Variants in SLC9A1 observed in about 807,000 individuals in gnomAD.
SLC9A1 encodes solute carrier family 9 member A1, also known as sodium/hydrogen exchanger 1.
In SLC9A1, 22 loss-of-function variants were observed where a neutral mutation model predicts 67.9. That is an observed-to-expected ratio of 0.32 (90% confidence interval 0.23 to 0.46). SLC9A1 has a LOEUF of 0.46. SLC9A1 is among the 20% of genes least tolerant of loss of function. The pLI is 1.00. For missense variants in SLC9A1, 686 were observed against 1,094.8 expected, an observed-to-expected ratio of 0.63 and a Z score of 5.27; for synonymous variants, 421 against 471.8, an observed-to-expected ratio of 0.89 and a Z score of 1.40.
rs2083186031 is a variant in SLC9A1 at position 27,106,511 on chromosome 1, C to G, written c.1283-424G>C. Among the ~76,000 whole-genome samples, 1 of 152,052 alleles carries G rather than the reference C, an allele frequency of 6.6e-6. No individual in the cohort carries two copies. Among genetic ancestry groups the G allele is most frequent in the Non-Finnish European group, 1.5e-5 (1 of 68,016 alleles). ...GCAGAGGGCTGGGCCCAACCTCCAC[C>G]CACAGAACCAGAATCCCTGGAGGAT... On this transcript the variant is annotated intron_variant, in intron 4 of 11. Transcript: ENST00000263980. The surrounding 1 kb of genome is among the most constrained non-coding windows in gnomAD (Gnocchi z 4.3).
intron 1 of SLC9A1, among the ~76,000 whole-genome samples, chr1:27,115,327 A>G (rs929399660): frequency 6.6e-6 from 1 of 152,082 alleles, no homozygotes; most frequent in Non-Finnish European, 1.5e-5. Context: ...AGTAGCAAAA[A>G]TCCCCGTTGA....
intron 1 of SLC9A1, among the ~76,000 whole-genome samples, chr1:27,150,030 G>A (rs993483469): frequency 6.6e-6 from 1 of 152,208 alleles, no homozygotes; most frequent in Non-Finnish European, 1.5e-5. Context: ...TTTTCCCAAA[G>A]AGAAAAAGGT....
At chr1:27,148,752 G>A (rs931551186) in intron 1 of SLC9A1, among the ~76,000 whole-genome samples, 2 of 152,152 alleles carry the variant, frequency 1.3e-5, no homozygotes, top group African/African-American at 4.8e-5. Context: ...CTGCCTTGTA[G>A]AGCTAAACAA....
At chr1:27,140,712 T>A (rs865936845) in intron 1 of SLC9A1, among the ~76,000 whole-genome samples, 2 of 152,288 alleles carry the variant, frequency 1.3e-5, no homozygotes, top group Middle Eastern at 3.4e-3. Context: ...CAAAATTGAG[T>A]GCTTTTATAG....
At position 27,102,059 on chromosome 1, in the gene SLC9A1, ATCTCC is replaced by A; in HGVS notation, c.1887_1891del (p.Glu629AspfsTer79). 1 of 1,613,954 alleles carries A rather than the reference ATCTCC, an allele frequency of 6.2e-7. No individual in the cohort carries two copies. The highest frequency in any genetic ancestry group is 1.1e-5 in the South Asian group (1 of 91,084). ...CAAGTTGTTCCTCAGGATTTTGCGG[ATCTCC>A]TCCTCCTTGTCCTTGGACAGTGCTG... is the stretch of plus-strand genomic sequence containing the variant. On this transcript the variant is annotated frameshift_variant, in exon 9 of 12. Transcript: ENST00000263980. LOFTEE classifies it high-confidence loss of function.
intron 1 of SLC9A1, among the ~76,000 whole-genome samples, chr1:27,133,406 C>A (rs1437059214): frequency 1.3e-5 from 2 of 152,152 alleles, no homozygotes; most frequent in Admixed American, 6.5e-5. Flanking sequence ...AGGTTGTAAT[C>A]TCATAAGTAT....
At chr1:27,153,438 G>A (rs2083544086) in intron 1 of SLC9A1, among the ~76,000 whole-genome samples, 1 of 152,174 alleles carries the variant, frequency 6.6e-6, no homozygotes, top group African/African-American at 2.4e-5. Flanking sequence ...AAGGAAAGGT[G>A]GGAATATGGG....
At chr1:27,130,251 C>T (rs1176557895) in intron 1 of SLC9A1, among the ~76,000 whole-genome samples, 1 of 152,218 alleles carries the variant, frequency 6.6e-6, no homozygotes, top group African/African-American at 2.4e-5. Flanking sequence ...CAGGCGCCCG[C>T]CACCACACTC....
intron 1 of SLC9A1, among the ~76,000 whole-genome samples, chr1:27,134,618 T>C (rs1377585500): frequency 6.6e-6 from 1 of 152,174 alleles, no homozygotes; most frequent in Non-Finnish European, 1.5e-5. Flanking sequence ...CGCAAGTGAC[T>C]GGTTTCAGGG....
In SLC9A1 at chr1:27,118,370, A is replaced by G. The variant is rs1035808261; in HGVS notation, c.353-4084T>C. ...GGGGGAGGAAGGGATTCTGTCATCAAGAGGAGGCTCCTTCAGGAGCAACGG... is the reference window on the plus strand; with the variant it reads ...GGGGGAGGAAGGGATTCTGTCATCAGGAGGAGGCTCCTTCAGGAGCAACGG... On this transcript the variant is annotated intron_variant, in intron 1 of 11. Coordinates refer to ENST00000263980, the MANE Select transcript of SLC9A1 (RefSeq NM_003047.5). This position sits in a 1 kb window ranked among gnomAD's most constrained non-coding sequence, Gnocchi z 4.3. 1.7e-4 allele frequency among the ~76,000 whole-genome samples: 26 copies of G among 152,136 alleles called. No individual in the cohort carries two copies. Among genetic ancestry groups the G allele is most frequent in the Admixed American group, 1.7e-3 (26 of 15,272 alleles).
In SLC9A1 at chr1:27,109,911, C is replaced by A. The variant is rs555739828; in HGVS notation, c.814-134G>T. 5.7e-6 allele frequency: 6 copies of A among 1,047,666 alleles called. No homozygotes were observed. The highest frequency in any genetic ancestry group is 8.3e-6 in the Non-Finnish European group (6 of 719,566). 64.9% of individuals were successfully genotyped at this position (1,047,666 alleles called of 1,614,324 possible). A position where few individuals can be genotyped will look rare whatever the true frequency, so the allele number is the denominator to read the frequency against. On this transcript the variant is annotated intron_variant, in intron 2 of 11. Transcript: ENST00000263980. This position sits in a 1 kb window ranked among gnomAD's most constrained non-coding sequence, Gnocchi z 5.5. The stretch of plus-strand genomic sequence containing the variant: ...AAGAGGCCACACGGTAGCAGAGAAA[C>A]CCTAGTGCCAAGCAGGTGCTCAAAA...
intron 1 of SLC9A1, among the ~76,000 whole-genome samples, chr1:27,122,451 T>C (rs2124169967): frequency 6.6e-6 from 1 of 152,232 alleles, no homozygotes. Context: ...TCCTGAAGCC[T>C]GCAGCCAGCC....
Position 27,113,945 on chromosome 1 carries a change from T to C in SLC9A1, c.694A>G (p.Ser232Gly), listed in dbSNP as rs763039501. Residue 232 changes from serine to glycine, a missense_variant, in exon 2 of 12, where the codon AGC (serine) becomes GGC (glycine). Physicochemically the swap from Ser to Gly is moderately conservative, Grantham distance 56 (BLOSUM62 0). This residue lies in a region of SLC9A1 where 49 missense variants were observed against 73.1 expected (regional missense o/e 0.67). Coordinates refer to ENST00000263980, the MANE Select transcript of SLC9A1 (RefSeq NM_003047.5). ...IGLLDNLLFG[S>G]IISAVDPVAV... The stretch of plus-strand genomic sequence containing the variant: ...ACGGGGTCCACGGCCGAGATGATGC[T>C]GCCGAAGAGCAGGTTGTCCAGGAGG... The C allele has an allele frequency of 6.2e-7, 1 of 1,614,220 alleles. No homozygotes were observed. The highest frequency in any genetic ancestry group is 2.2e-5 in the East Asian group (1 of 44,876).
At chr1:27,113,418 A>G (rs542419160) in intron 2 of SLC9A1, among the ~76,000 whole-genome samples, 131 of 152,292 alleles carry the variant, frequency 8.6e-4, no homozygotes, top group African/African-American at 3.0e-3. Flanking sequence ...TGACCGTACC[A>G]GTTCACCAGC....
At chr1:27,138,197 C>T (rs1213026349) in intron 1 of SLC9A1, among the ~76,000 whole-genome samples, 1 of 152,240 alleles carries the variant, frequency 6.6e-6, no homozygotes, top group East Asian at 1.9e-4. Flanking sequence ...GCCCTCTTCT[C>T]CATTCTCACA....
rs777836201 is a variant in SLC9A1 at position 27,109,556 on chromosome 1, G to A, written c.1035C>T (p.Ala345=). ...TGATGCCTGACAGGTGGAAGAGCTCGGCTGACAAGTAGGCCATGTAGCTGT... is the reference window on the plus strand; with the variant it reads ...TGATGCCTGACAGGTGGAAGAGCTCAGCTGACAAGTAGGCCATGTAGCTGT... The part of the protein sequence containing the change: ...FLYSYMAYLS[A]ELFHLSGIMA... The change falls in exon 3 of 12, where the codon GCC becomes GCT. Residue 345 remains alanine (A), a synonymous_variant. Coordinates refer to ENST00000263980, the MANE Select transcript of SLC9A1 (RefSeq NM_003047.5). This position sits in a 1 kb window ranked among gnomAD's most constrained non-coding sequence, Gnocchi z 5.5. 22 of 1,613,534 alleles carry A rather than the reference G, an allele frequency of 1.4e-5. No homozygotes were observed. Among genetic ancestry groups the A allele is most frequent in the Admixed American group, 3.3e-5 (2 of 59,978 alleles).
rs1227669638 is a variant in SLC9A1, at chr1:27,101,287, G to A, written c.2038-12C>T. 2.5e-6 allele frequency: 4 copies of A among 1,609,906 alleles called. No homozygotes were observed. In the East Asian group the frequency reaches 6.7e-5, roughly 27 times the overall value. On this transcript the variant is annotated splice_polypyrimidine_tract_variant and intron_variant, in intron 10 of 11. Transcript: ENST00000263980. This position sits in a 1 kb window ranked among gnomAD's most constrained non-coding sequence, Gnocchi z 4.9. Reference sequence around the variant, plus strand: ...AGGTAGTTGTTGATCTGACAGAGAGGACAGACGGGGTGAGCACAGGCAGCT... The same window carrying A: ...AGGTAGTTGTTGATCTGACAGAGAGAACAGACGGGGTGAGCACAGGCAGCT...
rs149106926 is a variant in SLC9A1, at chr1:27,100,481, G to A, written c.2274C>T (p.Asp758=). 248 of 1,614,092 alleles carry A rather than the reference G, an allele frequency of 1.5e-4. No homozygotes were observed. Among genetic ancestry groups the A allele is most frequent in the African/African-American group, 1.4e-3 (106 of 75,048 alleles). Residue 758 remains aspartate (D), a synonymous_variant, in exon 12 of 12, where the codon GAC becomes GAT. Transcript: ENST00000263980. The surrounding 1 kb of genome is among the most constrained non-coding windows in gnomAD (Gnocchi z 5.6). ...TGCTCCGCATCATGATGCCCCCATC[G>A]TCGTCCTCGTCCTCCTCAGCCACCT... ...PAKVAEEDED[D]DGGIMMRSKE... is the part of the protein sequence containing the mutation.
At chr1:27,142,174 CA>C (rs1254730068) in intron 1 of SLC9A1, among the ~76,000 whole-genome samples, 1 of 152,162 alleles carries the variant, frequency 6.6e-6, no homozygotes, top group East Asian at 1.9e-4. Context: ...ATATCCAAGC[CA>C]AAAACCACAG....
Sources: allele counts gnomAD v4.1 joint callset (sites outside exome capture counted in the v4.1 genomes callset), GRCh38; gene constraint gnomAD v4.1.1; regional missense constraint gnomAD v4.1.1; non-coding constraint Gnocchi (gnomAD v3.1); transcripts MANE v1.5; gene names NCBI Gene and HGNC (gene_info 2026-07-23, HGNC 2026-07-21).